Variants in CPNE1 observed in about 807,000 individuals in gnomAD.
CPNE1 encodes copine-1.
In CPNE1, 58 loss-of-function variants were observed where a neutral mutation model predicts 63.2. That is an observed-to-expected ratio of 0.92 (90% confidence interval 0.74 to 1.14). CPNE1 has a LOEUF of 1.14. CPNE1 is among the 50% of genes most tolerant of loss of function. The probability of loss-of-function intolerance (pLI) is 0.00; values close to 1 mark genes in which losing one functional copy is unlikely to be tolerated. For missense variants in CPNE1, 672 were observed against 661.7 expected (o/e 1.02, Z -0.17); for synonymous variants, 237 against 249.0 (o/e 0.95, Z 0.45).
intron 1 of CPNE1, chr20:35,654,843 T>C (rs2033799829): frequency 6.2e-7 from 1 of 1,614,070 alleles, no homozygotes; most frequent in South Asian, 1.1e-5. Flanking sequence ...CCCCCATATT[T>C]GGAGGAGCTG....
chr20:35,640,990 A>G (rs1265619367), intron 1 of CPNE1, among the ~76,000 whole-genome samples: 1 of 151,922 alleles, frequency 6.6e-6, no homozygotes, highest in African/African-American at 2.4e-5. Context: ...TAGCTCCAAC[A>G]TTTTTCTGCC....
Position 35,630,468 on chromosome 20 carries a change from T to C in CPNE1, c.1073A>G (p.Asn358Ser), listed in dbSNP as rs375126375. ...ACAGTAGGGGTTACTGGGGTTGAAA[T>C]TCAAGGCAAATTCATGCGAGACCTG... Reference protein sequence around the residue: ...DWQVSHEFALNFNPSNPYCAG... With the variant: ...DWQVSHEFALSFNPSNPYCAG... Residue 358 changes from asparagine (N) to serine (S), a missense_variant, in exon 13 of 16, where the codon AAT becomes AGT. By Grantham distance (46) the Asn-to-Ser change is conservative. Transcript: ENST00000397443. The C allele has an allele frequency of 4.4e-5, 71 of 1,614,032 alleles. 1 individual carries two copies. The South Asian group carries it at 6.9e-4, about 16-fold the overall frequency.
intron 14 of CPNE1, 36 bp from the exon 15 acceptor site, chr20:35,626,839 C>T (rs1433465189): frequency 6.4e-7 from 1 of 1,550,544 alleles, no homozygotes. Context: ...GAAGCAGATC[C>T]TCCTCCTAAA....
At chr20:35,650,827 G>C (rs532937295) in intron 1 of CPNE1, 9 of 152,428 alleles carry the variant, frequency 5.9e-5, no homozygotes, top group Non-Finnish European at 1.0e-4. Flanking sequence ...ACACCAAAAA[G>C]GCACTGTATA....
rs892804530 is a variant in CPNE1, at chr20:35,626,553, T to C, written c.1473+14A>G. 2 of 1,612,158 alleles carry C rather than the reference T, an allele frequency of 1.2e-6. No homozygotes were observed. Among genetic ancestry groups the C allele is most frequent in the Non-Finnish European group, 1.7e-6 (2 of 1,178,266 alleles). ...GAAAGGGTAAACTCCCAGATCAAAT[T>C]TGCACCTACTCACATTCTGGAACCG... On this transcript the variant is annotated intron_variant, in intron 15 of 15. Coordinates refer to ENST00000397443, the MANE Select transcript of CPNE1 (RefSeq NM_152925.3).
chr20:35,641,775 G>A (rs2146309662), intron 1 of CPNE1, among the ~76,000 whole-genome samples: 1 of 152,128 alleles, frequency 6.6e-6, no homozygotes, highest in East Asian at 1.9e-4. Flanking sequence ...CCAGCTTCTT[G>A]CCTGTCAATT....
intron 1 of CPNE1, among the ~76,000 whole-genome samples, chr20:35,660,982 A>G (rs1158291120): frequency 6.6e-6 from 1 of 152,246 alleles, no homozygotes. Context: ...TTCTCATTCC[A>G]CAAGGCAAGG....
At chr20:35,646,518 C>G (rs2033114128) in intron 1 of CPNE1, among the ~76,000 whole-genome samples, 1 of 151,894 alleles carries the variant, frequency 6.6e-6, no homozygotes, top group African/African-American at 2.4e-5. Flanking sequence ...CCACCACACC[C>G]AGCCTGACAA....
rs2032119494 is a variant in CPNE1 at position 35,631,305 on chromosome 20, T to C, written c.764A>G (p.Tyr255Cys). ...GACACGGATAGTTCCAGAGTTCTTGTAGCTTTTCTTTTTCTGCTGCTTCTC... is the reference window on the plus strand; with the variant it reads ...GACACGGATAGTTCCAGAGTTCTTGCAGCTTTTCTTTTTCTGCTGCTTCTC... ...HPEKQQKKKS[Y>C]KNSGTIRVKI... Residue 255 changes from tyrosine (Y) to cysteine (C), a missense_variant, in exon 9 of 16, where the codon TAC (tyrosine) becomes TGC (cysteine). By Grantham distance (194) the Tyr-to-Cys change is radical. Transcript: ENST00000397443. 2.5e-6 allele frequency: 4 copies of C among 1,614,212 alleles called. No homozygotes were observed. The highest frequency in any genetic ancestry group is 1.3e-5 in the African/African-American group (1 of 75,036).
At chr20:35,647,609 T>C (rs1222789365) in intron 1 of CPNE1, among the ~76,000 whole-genome samples, 2 of 151,984 alleles carry the variant, frequency 1.3e-5, no homozygotes, top group Non-Finnish European at 2.9e-5. Context: ...ACTCCAGTGA[T>C]AGAGCAGTAT....
intron 1 of CPNE1, among the ~76,000 whole-genome samples, chr20:35,646,420 T>C (rs1343173449): frequency 1.3e-5 from 2 of 148,332 alleles, no homozygotes; most frequent in African/African-American, 5.0e-5. Flanking sequence ...GACAGGGTCT[T>C]GCTATGTTAC....
chr20:35,660,879 G>C (rs919868097), intron 1 of CPNE1, among the ~76,000 whole-genome samples: 44 of 152,136 alleles, frequency 2.9e-4, no homozygotes, highest in African/African-American at 9.4e-4. Context: ...GGACATATCT[G>C]GGGTCAGCCA....
intron 13 of CPNE1, among the ~76,000 whole-genome samples, chr20:35,628,592 T>A (rs1473496694): frequency 6.6e-6 from 1 of 152,216 alleles, no homozygotes; most frequent in Non-Finnish European, 1.5e-5. Context: ...TGAGGATTTA[T>A]CAGGTAAACC....
Sources: gnomAD v4.1 joint callset for allele counts (sites outside exome capture counted in the v4.1 genomes callset) on GRCh38, gnomAD v4.1.1 for gene constraint, MANE v1.5 for transcripts, NCBI Gene and HGNC (gene_info 2026-07-23, HGNC 2026-07-21) for gene names.